The following DMD variants were observed in gnomAD, a reference collection of about 807,000 sequenced individuals.
DMD encodes the protein dystrophin.
In DMD, 63 loss-of-function variants were observed where a neutral mutation model predicts 330.1. The observed-to-expected ratio is 0.19, with a 90% confidence interval of 0.16 to 0.24. The LOEUF (loss-of-function observed/expected upper bound fraction) is 0.24, where lower values mean the gene tolerates loss of function less well. Ranked by LOEUF, DMD falls within the 10% of genes least tolerant of loss-of-function variation. The pLI is 1.00. For missense variants in DMD, 3,344 were observed against 2,684.1 expected (o/e 1.25, Z -5.43); for synonymous variants, 1,223 against 959.8 (o/e 1.27, Z -5.07).
At chrX:31,171,813 C>A (rs1360688353) in intron 73 of DMD, among the ~76,000 whole-genome samples, 1 of 111,665 alleles carries the variant, frequency 9.0e-6, no homozygotes, top group Non-Finnish European at 1.9e-5. Context: ...GGTACTTCTC[C>A]TCTGGAAACT....
chrX:31,619,866 C>T (rs572688749), intron 55 of DMD, among the ~76,000 whole-genome samples: 8 of 111,399 alleles, frequency 7.2e-5, no homozygotes, highest in Admixed American at 4.8e-4. Flanking sequence ...TGGTCCAAAA[C>T]GGTACAACAC....
At chrX:31,458,677 T>C (rs2066341628) in intron 59 of DMD, among the ~76,000 whole-genome samples, 1 of 110,600 alleles carries the variant, frequency 9.0e-6, no homozygotes, top group African/African-American at 3.3e-5. Flanking sequence ...TGATGCTGCA[T>C]TGATTATCTA....
intron 44 of DMD, among the ~76,000 whole-genome samples, chrX:32,085,617 C>CGTAT (rs2096428685): frequency 1.2e-5 from 1 of 85,286 alleles, no homozygotes; most frequent in East Asian, 4.2e-4. Flanking sequence ...TATATATATA[C>CGTAT]GTATATATAT....
chrX:32,755,039 G>A (rs1274947470), intron 7 of DMD: 1 of 111,141 alleles, frequency 9.0e-6, no homozygotes, highest in East Asian at 2.9e-4. Context: ...CTGAGTTTTG[G>A]TTCAATGCAT....
At position 32,948,113 on chromosome X, in the gene DMD, G is replaced by GACACACACACACACAC. The variant is rs3083093; in HGVS notation, c.93+72010_93+72025dup. Among the ~76,000 whole-genome samples, 45 of 95,979 alleles carry GACACACACACACACAC rather than the reference G, an allele frequency of 4.7e-4. No individual in the cohort carries two copies. In the East Asian group the frequency reaches 9.9e-3, roughly 21 times the overall value. The allele number at this position is 95,979 out of a possible 115,157, so 83.3% of individuals were successfully genotyped here. On this transcript the variant is annotated intron_variant, in intron 2 of 78. Coordinates refer to ENST00000357033, the MANE Select transcript of DMD (RefSeq NM_004006.3). ...CTCAAAATTGACAGTGAGAGAAACA[G>GACACACACACACACAC]ACACACACACACACACACACACACA... is the stretch of plus-strand genomic sequence containing the variant.
chrX:31,352,605 C>T (rs747475421), intron 60 of DMD, among the ~76,000 whole-genome samples: 1 of 111,988 alleles, frequency 8.9e-6, no homozygotes, highest in South Asian at 3.8e-4. Context: ...TTCCAGTGTA[C>T]ATTCAATATT....
chrX:32,042,126 T>C (rs1049563196), intron 44 of DMD, among the ~76,000 whole-genome samples: 1 of 74,530 alleles, frequency 1.3e-5, no homozygotes, highest in Non-Finnish European at 2.6e-5. Context: ...CACACATATG[T>C]ATACATATAT....
chrX:32,704,773 T>C lies in DMD; in HGVS notation c.650-5480A>G, dbSNP rs141445688. Among the ~76,000 whole-genome samples, 834 of 112,162 alleles carry C rather than the reference T, an allele frequency of 7.4e-3. 4 individuals are homozygous for C. The highest frequency in any genetic ancestry group is 0.026 in the African/African-American group (804 of 30,876). On this transcript the variant is annotated intron_variant, in intron 7 of 78. Coordinates refer to ENST00000357033, the MANE Select transcript of DMD (RefSeq NM_004006.3). ...AGAGAAACTGGAAAGAAGGCACTTC[T>C]GGTCATAAACTAGCCATAGCCAGAA...
At chrX:32,602,115 T>G (rs1269621394) in intron 12 of DMD, among the ~76,000 whole-genome samples, 1 of 111,981 alleles carries the variant, frequency 8.9e-6, no homozygotes, top group African/African-American at 3.2e-5. Flanking sequence ...CAGTAAGTGT[T>G]AAATCCTTAA....
At chrX:32,754,265 G>C (rs905221729) in intron 7 of DMD, among the ~76,000 whole-genome samples, 1 of 110,840 alleles carries the variant, frequency 9.0e-6, no homozygotes, top group Non-Finnish European at 1.9e-5. Context: ...CCATTTTACA[G>C]ATGAGGAAAC....
chrX:32,545,315 G>A lies in DMD; in HGVS notation c.2012C>T (p.Thr671Ile). 3 of 1,210,580 alleles carry A rather than the reference G, an allele frequency of 2.5e-6. No individual in the cohort carries two copies. The highest frequency in any genetic ancestry group is 3.4e-6 in the Non-Finnish European group (3 of 894,659). ...TGTCTGTGTTAGTGATGGCTGAGTGGTGGTGACAGCCTGTGAAATCTGTGA... is the reference window on the plus strand; with the variant it reads ...TGTCTGTGTTAGTGATGGCTGAGTGATGGTGACAGCCTGTGAAATCTGTGA... ...STAQISQAVT[T>I]TQPSLTQTTV... Residue 671 changes from threonine to isoleucine, a missense_variant, in exon 17 of 79, where the codon ACC (threonine) becomes ATC (isoleucine). By Grantham distance (89) the Thr-to-Ile change is moderately conservative. Transcript: ENST00000357033.
chrX:32,783,315 GTATA>G (rs748085263), intron 7 of DMD, among the ~76,000 whole-genome samples: 8 of 93,395 alleles, frequency 8.6e-5, no homozygotes, highest in East Asian at 6.7e-4. Flanking sequence ...CACATATATG[GTATA>G]TATATACACA....
chrX:32,638,830 A>G (rs1157011264), intron 11 of DMD, among the ~76,000 whole-genome samples: 1 of 110,207 alleles, frequency 9.1e-6, no homozygotes, highest in Non-Finnish European at 1.9e-5. Flanking sequence ...TTTGTTCAGC[A>G]CCTCCTTTTC....
intron 2 of DMD, among the ~76,000 whole-genome samples, chrX:32,931,270 A>T (rs1373606415): frequency 1.8e-5 from 2 of 110,786 alleles, no homozygotes; most frequent in Admixed American, 2.0e-4. Flanking sequence ...TAATAAGGAG[A>T]TAACCCTAAA....
At chrX:33,331,193 G>A (rs1325024599) in intron 1 of DMD, among the ~76,000 whole-genome samples, 1 of 111,558 alleles carries the variant, frequency 9.0e-6, no homozygotes, top group African/African-American at 3.3e-5. Context: ...TCTGTTTCCT[G>A]CCACTGTGGC....
chrX:33,133,041 A>G (rs191816468), intron 1 of DMD, among the ~76,000 whole-genome samples: 1 of 111,863 alleles, frequency 8.9e-6, no homozygotes, highest in East Asian at 2.8e-4. Context: ...GAAGTGAAAA[A>G]CACCATAATG....
intron 1 of DMD, among the ~76,000 whole-genome samples, chrX:33,168,402 A>T (rs1358901646): frequency 7.3e-5 from 8 of 109,778 alleles, no homozygotes; most frequent in African/African-American, 2.6e-4. Flanking sequence ...TGTTTTGTTG[A>T]CCTTTGAATT....
At chrX:32,037,341 G>T (rs940366815) in intron 44 of DMD, among the ~76,000 whole-genome samples, 2 of 111,661 alleles carry the variant, frequency 1.8e-5, no homozygotes, top group Non-Finnish European at 3.8e-5. Context: ...ACCAAGTAAT[G>T]ACCATCTCTA....
In DMD at chrX:31,173,568, A is replaced by G; in HGVS notation, c.10299T>C (p.Thr3433=). Residue 3433 remains threonine (T), a synonymous_variant, in exon 72 of 79, where the codon ACT becomes ACC. Coordinates refer to ENST00000357033, the MANE Select transcript of DMD (RefSeq NM_004006.3). ...TAGCATAATGTTCAATGCGTGAATG[A>G]GTATCATCGTGTGAAAGCTGAGGGG... ...ASSPQLSHDD[T]HSRIEHYASR... The G allele has an allele frequency of 8.3e-7, 1 of 1,210,543 alleles. No homozygotes were observed. Among genetic ancestry groups the G allele is most frequent in the Non-Finnish European group, 1.1e-6 (1 of 894,445 alleles).
Sources: gnomAD v4.1 joint callset for allele counts (sites outside exome capture counted in the v4.1 genomes callset) on GRCh38, gnomAD v4.1.1 for gene constraint, MANE v1.5 for transcripts, NCBI Gene and HGNC (gene_info 2026-07-23, HGNC 2026-07-21) for gene names.